The following PFKFB1 variants were observed in gnomAD, a reference collection of about 807,000 sequenced individuals.
PFKFB1 encodes the protein 6-phosphofructo-2-kinase/fructose-2,6-bisphosphatase 1.
A neutral mutation model predicts 46.4 loss-of-function variants in PFKFB1; 34 were observed. The ratio of observed to expected loss-of-function variants is 0.73; its 90% CI spans 0.56 to 0.98. PFKFB1 has a LOEUF of 0.98. Ranked by LOEUF, PFKFB1 falls within the 50% of genes least tolerant of loss-of-function variation. The probability of loss-of-function intolerance (pLI) is 0.00; values close to 1 mark genes in which losing one functional copy is unlikely to be tolerated. For missense variants in PFKFB1, 393 were observed against 376.3 expected (o/e 1.04, Z -0.37); for synonymous variants, 119 against 133.8 (o/e 0.89, Z 0.76).
intron 9 of PFKFB1, among the ~76,000 whole-genome samples, chrX:54,946,610 A>C (rs1411002626): frequency 8.9e-6 from 1 of 111,762 alleles, no homozygotes; most frequent in East Asian, 2.8e-4. Flanking sequence ...CCATGGAAGA[A>C]AGTGCACCCT....
rs181458503 is a variant in PFKFB1 at position 54,985,446 on chromosome X, T to C, written c.97+8465A>G. ...GGGAAAAAGTCAAAGAAAGCCCAAATTACCTGCAAGCCAAAAACTATGCAC... is the reference window on the plus strand; with the variant it reads ...GGGAAAAAGTCAAAGAAAGCCCAAACTACCTGCAAGCCAAAAACTATGCAC... On this transcript the variant is annotated intron_variant, in intron 1 of 13. Transcript: ENST00000375006. Among the ~76,000 whole-genome samples the C allele has an allele frequency of 2.9e-3, 317 of 111,223 alleles. 3 individuals carry two copies. Among genetic ancestry groups the C allele is most frequent in the South Asian group, 4.9e-3 (13 of 2,680 alleles).
intron 11 of PFKFB1, 99 bp downstream of exon 11, chrX:54,937,496 G>C (rs1324124237): frequency 2.5e-6 from 2 of 785,201 alleles, no homozygotes; most frequent in Non-Finnish European, 3.6e-6. Context: ...CCTTGTTCTA[G>C]ATACTCTTCT....
chrX:54,941,449 A>G (rs1043997664), intron 10 of PFKFB1, among the ~76,000 whole-genome samples: 29 of 112,274 alleles, frequency 2.6e-4, no homozygotes, highest in African/African-American at 7.8e-4. Flanking sequence ...ATCAGAGTGA[A>G]CAGGCAACCT....
Position 54,963,269 on chromosome X carries a change from T to C in PFKFB1, c.211A>G (p.Thr71Ala), listed in dbSNP as rs1934372414. The change falls in exon 2 of 14, where the codon ACA becomes GCA. Residue 71 changes from threonine to alanine, a missense_variant. Physicochemically the swap from Thr to Ala is moderately conservative, Grantham distance 58. Coordinates refer to ENST00000375006, the MANE Select transcript of PFKFB1 (RefSeq NM_002625.4). ...KLTRYLNWIG[T>A]PTKVFNLGQY... ...TTCAGAGACATACCTTTAGTTGGTG[T>C]TCCTATCCAGTTGAGATATCGTGTG... 1.4e-5 allele frequency: 17 copies of C among 1,208,664 alleles called. No individual in the cohort carries two copies. The East Asian group carries it at 5.0e-4, about 36-fold the overall frequency.
chrX:54,947,018 A>G (rs375616931), intron 9 of PFKFB1, among the ~76,000 whole-genome samples: 3 of 111,482 alleles, frequency 2.7e-5, no homozygotes, highest in African/African-American at 9.8e-5. Flanking sequence ...AGCTCTCTCA[A>G]ATGGATTCCT....
intron 8 of PFKFB1, 85 bp from the exon 9 acceptor site, chrX:54,949,306 C>G: frequency 6.4e-6 from 5 of 783,980 alleles, no homozygotes; most frequent in Non-Finnish European, 9.0e-6. Context: ...AAGCTCAGAT[C>G]TGCCACAAAT....
At chrX:54,957,367 C>G (rs1007973330) in intron 6 of PFKFB1, among the ~76,000 whole-genome samples, 1 of 111,166 alleles carries the variant, frequency 9.0e-6, no homozygotes, top group Non-Finnish European at 1.9e-5. Flanking sequence ...CCTCTGTTCC[C>G]TCATCTCACC....
intron 11 of PFKFB1, 111 bp from the exon 12 acceptor site, chrX:54,935,120 TGGGGCCTCACCA>T (rs1933343304): frequency 1.2e-5 from 7 of 588,406 alleles, no homozygotes; most frequent in Non-Finnish European, 2.0e-5. Flanking sequence ...CTTGCCGTGG[TGGGGCCTCACCA>T]GGGGCCCACT....
chrX:54,973,833 A>G (rs1370222170), intron 1 of PFKFB1, among the ~76,000 whole-genome samples: 1 of 111,300 alleles, frequency 9.0e-6, no homozygotes, highest in African/African-American at 3.3e-5. Flanking sequence ...TGGGGTGGAG[A>G]GTTCTGTAAG....
intron 4 of PFKFB1, 59 bp downstream of exon 4, chrX:54,959,768 C>A: frequency 2.9e-6 from 2 of 691,476 alleles, no homozygotes; most frequent in Non-Finnish European, 4.6e-6. Context: ...ATGTTCAGTA[C>A]ATATTAGCTA....
At chrX:54,943,340 A>G (rs186607775) in intron 10 of PFKFB1, among the ~76,000 whole-genome samples, 3 of 111,908 alleles carry the variant, frequency 2.7e-5, no homozygotes, top group African/African-American at 9.7e-5. Context: ...CTGAGAGAAA[A>G]CAACTGTCAT....
chrX:54,981,322 TAAA>T (rs1258468444), intron 1 of PFKFB1, among the ~76,000 whole-genome samples: 2 of 111,318 alleles, frequency 1.8e-5, no homozygotes, highest in Non-Finnish European at 3.8e-5. Flanking sequence ...GAATAGATCT[TAAA>T]AAGCAATCAA....
At chrX:54,941,331 GC>G (rs1371030720) in intron 10 of PFKFB1, among the ~76,000 whole-genome samples, 1 of 111,902 alleles carries the variant, frequency 8.9e-6, no homozygotes, top group African/African-American at 3.2e-5. Flanking sequence ...ATAGGCATGG[GC>G]AAGGACTTCA....
At chrX:54,938,361 G>C (rs1165151940) in intron 10 of PFKFB1, among the ~76,000 whole-genome samples, 1 of 112,097 alleles carries the variant, frequency 8.9e-6, no homozygotes, top group Non-Finnish European at 1.9e-5. Context: ...GGAAATAAGT[G>C]AAAATCCTCC....
At chrX:54,971,281 G>T (rs1280532644) in intron 1 of PFKFB1, among the ~76,000 whole-genome samples, 1 of 79,860 alleles carries the variant, frequency 1.3e-5, no homozygotes, top group East Asian at 4.2e-4. Flanking sequence ...CTCCCATTTT[G>T]TAGGTTGCCT....
rs142485381 is a variant in PFKFB1 at position 54,964,137 on chromosome X, T to G, written c.98-755A>C. On this transcript the variant is annotated intron_variant, in intron 1 of 13. Transcript: ENST00000375006. ...ACTCACTACAGCTGGGGGAGAAAAT[T>G]GAAAAAAAAAAAAGTCCTAACCCAG... Among the ~76,000 whole-genome samples the G allele has an allele frequency of 7.4e-3, 780 of 104,768 alleles. 3 individuals carry two copies. The highest frequency in any genetic ancestry group is 0.015 in the Middle Eastern group (3 of 197). 91.0% of individuals were successfully genotyped at this position (104,768 alleles called of 115,157 possible).
upstream of PFKFB1, chrX:54,998,536 G>T: frequency 1.5e-6 from 1 of 649,555 alleles, no homozygotes; most frequent in Non-Finnish European, 2.4e-6. Flanking sequence ...TTGGTTCCCT[G>T]AGAAGGCTGA....
intron 6 of PFKFB1, 116 bp from the exon 7 acceptor site, chrX:54,956,390 T>A (rs914435269): frequency 1.1e-6 from 1 of 899,675 alleles, no homozygotes; most frequent in East Asian, 3.4e-5. Flanking sequence ...GATGAGGAAA[T>A]TGAGACCTGG....
At chrX:54,950,848 C>G (rs1357039449) in intron 8 of PFKFB1, among the ~76,000 whole-genome samples, 1 of 112,598 alleles carries the variant, frequency 8.9e-6, no homozygotes, top group Admixed American at 9.2e-5. Flanking sequence ...GCACCTCCCC[C>G]CATCTCCAGT....
Sources: allele counts gnomAD v4.1 joint callset (sites outside exome capture counted in the v4.1 genomes callset), GRCh38; gene constraint gnomAD v4.1.1; transcripts MANE v1.5; gene names NCBI Gene and HGNC (gene_info 2026-07-23, HGNC 2026-07-21).